Variants in B9D2 observed in about 807,000 individuals in gnomAD.
B9D2 encodes B9 domain containing 2.
In B9D2, 21 loss-of-function variants were observed where a neutral mutation model predicts 19.2. That is an observed-to-expected ratio of 1.09 (90% CI 0.78 to 1.58). The LOEUF (loss-of-function observed/expected upper bound fraction) is 1.58, where lower values mean the gene tolerates loss of function less well. Among genes scored for constraint, B9D2 ranks in the 40% most tolerant of loss-of-function variants. The pLI, the probability that B9D2 is intolerant of heterozygous loss-of-function variation, is 0.00. For synonymous variants in B9D2, 91 were observed against 100.6 expected (o/e 0.90, Z 0.57); for missense variants, 221 against 244.3 (o/e 0.90, Z 0.64).
chr19:41,355,845 G>C (rs2038304750), intron 3 of B9D2, among the ~76,000 whole-genome samples: 1 of 152,222 alleles, frequency 6.6e-6, no homozygotes, highest in Non-Finnish European at 1.5e-5. Flanking sequence ...GCAAGAAGGG[G>C]ATCAAGGAAG....
chr19:41,363,530 G>A lies in B9D2; in HGVS notation c.-4-7C>T, dbSNP rs1163069888. Reference sequence around the variant, plus strand: ...GTGCACCTCAGCCATGGCCCTGGGAGGGGAAAAATATAATCACAACCCTGT... The same window carrying A: ...GTGCACCTCAGCCATGGCCCTGGGAAGGGAAAAATATAATCACAACCCTGT... On this transcript the variant is annotated splice_region_variant and splice_polypyrimidine_tract_variant and intron_variant, in intron 1 of 3. Coordinates refer to ENST00000243578, the MANE Select transcript of B9D2 (RefSeq NM_030578.4). The A allele has an allele frequency of 4.3e-6, 7 of 1,613,156 alleles. No homozygotes were observed. The highest frequency in any genetic ancestry group is 1.1e-5 in the South Asian group (1 of 91,022).
rs1373642605 is a variant in B9D2 at position 41,363,983 on chromosome 19, G to A, written c.-30C>T. The A allele has an allele frequency of 1.3e-5, 3 of 230,338 alleles. No homozygotes were observed. The highest frequency in any genetic ancestry group is 1.0e-4 in the Admixed American group (2 of 19,294). 14.3% of individuals were successfully genotyped at this position (230,338 alleles called of 1,614,324 possible). ...CTTAGCGCACTTAACGGTTAGGAGA[G>A]GAGAAAGCGGCAACCGGGGTTGTAG... On this transcript the variant is annotated 5_prime_UTR_variant, in exon 1 of 4. Coordinates refer to ENST00000243578, the MANE Select transcript of B9D2 (RefSeq NM_030578.4).
chr19:41,355,198 G>C (rs1027821887), intron 3 of B9D2, among the ~76,000 whole-genome samples, 185 bp from the exon 4 acceptor site: 1 of 152,160 alleles, frequency 6.6e-6, no homozygotes, highest in Admixed American at 6.5e-5. Flanking sequence ...CCACACAGCA[G>C]CCAAAGTGAT....
chr19:41,360,280 A>G (rs2038383146), intron 2 of B9D2, among the ~76,000 whole-genome samples: 1 of 151,988 alleles, frequency 6.6e-6, no homozygotes, highest in Non-Finnish European at 1.5e-5. Flanking sequence ...GGATCAAGCA[A>G]TCCTCCCACC....
chr19:41,359,971 G>C (rs2038378070), intron 2 of B9D2, among the ~76,000 whole-genome samples: 1 of 152,094 alleles, frequency 6.6e-6, no homozygotes. Context: ...CAGGGCCTTT[G>C]CACTGGCTGT....
intron 2 of B9D2, among the ~76,000 whole-genome samples, 186 bp downstream of exon 2, chr19:41,363,246 A>T (rs2038442567): frequency 6.6e-6 from 1 of 152,078 alleles, no homozygotes; most frequent in South Asian, 2.1e-4. Context: ...CCCTGTCTGT[A>T]TCCCACCCCT....
Position 41,354,833 on chromosome 19 carries a change from G to C in B9D2, c.395C>G (p.Pro132Arg). 6.2e-7 allele frequency: 1 copy of C among 1,613,958 alleles called. No homozygotes were observed. The highest frequency in any genetic ancestry group is 8.5e-7 in the Non-Finnish European group (1 of 1,179,992). ...GATGGTGTCCCCATGCAGCAGCTGC[G>C]GCCCACCACCCACGAAAGCCCGTGC... ...QLARAFVGGGPQLLHGDTIYS... is the reference protein window; with the variant it reads ...QLARAFVGGGRQLLHGDTIYS... The change falls in exon 4 of 4, where the codon CCG (proline) becomes CGG (arginine). Residue 132 changes from proline to arginine, a missense_variant. Transcript: ENST00000243578.
rs527331503 is a variant in B9D2 at position 41,360,274 on chromosome 19, C to T, written c.89-2252G>A. Reference sequence around the variant, plus strand: ...CACTACAACCTTGACCTCCCAGGATCAAGCAATCCTCCCACCTCAACCTCC... The same window carrying T: ...CACTACAACCTTGACCTCCCAGGATTAAGCAATCCTCCCACCTCAACCTCC... On this transcript the variant is annotated intron_variant, in intron 2 of 3. Coordinates refer to ENST00000243578, the MANE Select transcript of B9D2 (RefSeq NM_030578.4). Among the ~76,000 whole-genome samples, 5 of 152,244 alleles carry T rather than the reference C, an allele frequency of 3.3e-5. No individual in the cohort carries two copies. In the East Asian group the frequency reaches 7.7e-4, roughly 24 times the overall value.
chr19:41,360,089 C>T (rs1328099328), intron 2 of B9D2, among the ~76,000 whole-genome samples: 2 of 152,202 alleles, frequency 1.3e-5, no homozygotes, highest in Non-Finnish European at 2.9e-5. Flanking sequence ...TTCTCCCTGA[C>T]CCTCTTCACC....
At chr19:41,357,816 TG>T in intron 3 of B9D2, 80 bp downstream of exon 3, 1 of 1,583,302 alleles carries the variant, frequency 6.3e-7, no homozygotes, top group Admixed American at 1.7e-5. Context: ...GGACAGGTCT[TG>T]GTGTTCCCAG....
chr19:41,358,233 A>G (rs2038348323), intron 2 of B9D2, among the ~76,000 whole-genome samples: 1 of 152,176 alleles, frequency 6.6e-6, no homozygotes, highest in African/African-American at 2.4e-5. Flanking sequence ...TGGTCTCCCC[A>G]TCTATAAAAT....
At chr19:41,358,125 T>C in intron 2 of B9D2, 103 bp from the exon 3 acceptor site, 1 of 1,517,596 alleles carries the variant, frequency 6.6e-7, no homozygotes, top group Non-Finnish European at 9.0e-7. Flanking sequence ...CTGGTAGGGG[T>C]TACGAAGCAT....
intron 1 of B9D2, 108 bp downstream of exon 1, chr19:41,363,850 G>C: frequency 1.9e-6 from 1 of 535,344 alleles, no homozygotes. Flanking sequence ...TCCGCGTCAC[G>C]CCAGCCACCC....
In B9D2 at chr19:41,354,990, C is replaced by G. The variant is rs760432560; in HGVS notation, c.238G>C (p.Val80Leu). The G allele has an allele frequency of 6.2e-7, 1 of 1,603,594 alleles. No individual in the cohort carries two copies. Among genetic ancestry groups the G allele is most frequent in the Non-Finnish European group, 8.5e-7 (1 of 1,173,334 alleles). Residue 80 changes from valine (V) to leucine (L), a missense_variant, in exon 4 of 4, where the codon GTG (valine) becomes CTG (leucine). Physicochemically the swap from Val to Leu is conservative, Grantham distance 32. Coordinates refer to ENST00000243578, the MANE Select transcript of B9D2 (RefSeq NM_030578.4). ...CGGCCAAAGCTGTCCTGGGACCACACCTGGAAATGGAGCCGGGGCCAGCCT... is the reference window on the plus strand; with the variant it reads ...CGGCCAAAGCTGTCCTGGGACCACAGCTGGAAATGGAGCCGGGGCCAGCCT... Reference protein sequence around the residue: ...LQGWPRLHFQVWSQDSFGRCQ... With the variant: ...LQGWPRLHFQLWSQDSFGRCQ...
intron 1 of B9D2, 100 bp downstream of exon 1, chr19:41,363,858 C>T: frequency 5.8e-6 from 3 of 518,486 alleles, no homozygotes; most frequent in Non-Finnish European, 1.0e-5. Context: ...ACGCCAGCCA[C>T]CCCGCTTCCC....
intron 2 of B9D2, among the ~76,000 whole-genome samples, chr19:41,362,078 CAAAAAAAAAAAAA>C (rs940435937): frequency 4.3e-5 from 2 of 46,038 alleles, no homozygotes. Context: ...GACTCTGTCT[CAAAAAAAAAAAAA>C]AAAAAAAAAG....
chr19:41,358,159 G>A lies in B9D2; in HGVS notation c.89-137C>T, dbSNP rs1489090456. The A allele has an allele frequency of 3.0e-6, 4 of 1,343,514 alleles. No homozygotes were observed. In the African/African-American group the frequency reaches 5.8e-5, roughly 19 times the overall value. 83.2% of individuals were successfully genotyped at this position (1,343,514 alleles called of 1,614,324 possible). ...ATGGACTCTGGAACCAAGTATCTGG[G>A]TTCAAATCCTGGCACTACCTCTTCC... is the stretch of plus-strand genomic sequence containing the variant. On this transcript the variant is annotated intron_variant, in intron 2 of 3. Coordinates refer to ENST00000243578, the MANE Select transcript of B9D2 (RefSeq NM_030578.4).
rs149500212 is a variant in B9D2 at position 41,354,785 on chromosome 19, C to T, written c.443G>A (p.Arg148His). ...DTIYSGADRYRLHTAAGGTVH... is the reference protein window; with the variant it reads ...DTIYSGADRYHLHTAAGGTVH... Reference sequence around the variant, plus strand: ...GGTGCCACCAGCAGCTGTGTGCAGGCGATAGCGGTCGGCCCCACTGTAGAT... The same window carrying T: ...GGTGCCACCAGCAGCTGTGTGCAGGTGATAGCGGTCGGCCCCACTGTAGAT... The change falls in exon 4 of 4, where the codon CGC (arginine) becomes CAC (histidine). Residue 148 changes from arginine (R) to histidine (H), a missense_variant. Coordinates refer to ENST00000243578, the MANE Select transcript of B9D2 (RefSeq NM_030578.4). 6.2e-6 allele frequency: 10 copies of T among 1,613,866 alleles called. No homozygotes were observed. Among genetic ancestry groups the T allele is most frequent in the South Asian group, 2.2e-5 (2 of 91,090 alleles).
intron 2 of B9D2, chr19:41,361,303 ACAGCC>A (rs1450461831): frequency 6.6e-6 from 1 of 152,224 alleles, no homozygotes; most frequent in Non-Finnish European, 1.5e-5. Context: ...AGATTTCCCA[ACAGCC>A]CTATGAAGAA....
Sources: gnomAD v4.1 joint callset for allele counts (sites outside exome capture counted in the v4.1 genomes callset) on GRCh38, gnomAD v4.1.1 for gene constraint, MANE v1.5 for transcripts, NCBI Gene and HGNC (gene_info 2026-07-23, HGNC 2026-07-21) for gene names.